ELMO1: variants seen among roughly 807,000 people sequenced by gnomAD.
ELMO1 encodes the protein engulfment and cell motility 1.
In ELMO1, 26 loss-of-function variants were observed where a neutral mutation model predicts 98.9. That is an observed-to-expected ratio of 0.26 (90% CI 0.19 to 0.36). The LOEUF is 0.36. Among genes scored for constraint, ELMO1 ranks in the 10% least tolerant of loss-of-function variants. The pLI, the probability that ELMO1 is intolerant of heterozygous loss-of-function variation, is 1.00. For missense variants in ELMO1, 627 were observed against 935.2 expected, an observed-to-expected ratio of 0.67 and a Z score of 4.30; for synonymous variants, 346 against 346.0, an observed-to-expected ratio of 1.00 and a Z score of 0.00.
At chr7:36,936,080 T>A (rs1451259940) in intron 16 of ELMO1, among the ~76,000 whole-genome samples, 1 of 152,080 alleles carries the variant, frequency 6.6e-6, no homozygotes, top group African/African-American at 2.4e-5. Context: ...CCCACCCACC[T>A]CCAGAGGTAG....
rs750588423 is a variant in ELMO1, at chr7:36,922,347, CAAA to C, written c.1438-27333_1438-27331del. On this transcript the variant is annotated intron_variant, in intron 16 of 21. Coordinates refer to ENST00000310758, the MANE Select transcript of ELMO1 (RefSeq NM_014800.11). ...TTTAAAGGCAGATATCACAGACTTG[CAAA>C]AAAAAAAAAAAAAAAAAACCAACAG... Among the ~76,000 whole-genome samples, 217 of 85,548 alleles carry C rather than the reference CAAA, an allele frequency of 2.5e-3. 2 individuals are homozygous for C. The South Asian group carries it at 0.026, about 10-fold the overall frequency. The allele number at this position is 85,548 out of a possible 152,430, so 56.1% of individuals were successfully genotyped here.
chr7:37,031,302 G>A (rs551131142), intron 15 of ELMO1, among the ~76,000 whole-genome samples: 1 of 152,274 alleles, frequency 6.6e-6, no homozygotes, highest in East Asian at 1.9e-4. Context: ...CCCTGAATGA[G>A]ATGGTTTCTG....
At chr7:36,977,066 G>A (rs1303213587) in intron 16 of ELMO1, among the ~76,000 whole-genome samples, 1 of 152,136 alleles carries the variant, frequency 6.6e-6, no homozygotes, top group Non-Finnish European at 1.5e-5. Context: ...TCTATAAAAG[G>A]GGATAAAATG....
intron 10 of ELMO1, among the ~76,000 whole-genome samples, chr7:37,217,195 G>A (rs1793336131): frequency 6.6e-6 from 1 of 152,134 alleles, no homozygotes; most frequent in African/African-American, 2.4e-5. Context: ...TTTAAGTGAA[G>A]GGCAAATATC....
At chr7:37,401,081 A>C (rs7788477) in intron 1 of ELMO1, among the ~76,000 whole-genome samples, 77,785 of 151,974 alleles carry the variant, frequency 0.51, 20,644 homozygotes, top group East Asian at 0.78. Flanking sequence ...GGAACCCTAC[A>C]CTGGGAGGAA....
At chr7:37,292,642 G>T (rs1215533936) in intron 4 of ELMO1, among the ~76,000 whole-genome samples, 1 of 113,612 alleles carries the variant, frequency 8.8e-6, no homozygotes, top group Non-Finnish European at 2.1e-5. Flanking sequence ...TGGACGCCCC[G>T]TCTGAGAAGT....
At chr7:36,973,915 C>T (rs1249204416) in intron 16 of ELMO1, among the ~76,000 whole-genome samples, 2 of 152,228 alleles carry the variant, frequency 1.3e-5, no homozygotes, top group Admixed American at 6.5e-5. Flanking sequence ...CTGGGTCCCC[C>T]AGCAGTGCCA....
At chr7:36,969,312 T>C (rs1789715271) in intron 16 of ELMO1, among the ~76,000 whole-genome samples, 1 of 152,186 alleles carries the variant, frequency 6.6e-6, no homozygotes, top group Admixed American at 6.5e-5. Context: ...ATAGATTATA[T>C]TTTAACATAC....
intron 18 of ELMO1, among the ~76,000 whole-genome samples, chr7:36,883,729 C>T (rs1036196176): frequency 6.6e-6 from 1 of 152,164 alleles, no homozygotes; most frequent in African/African-American, 2.4e-5. Context: ...GCTTCCTGTA[C>T]AGCCTACAGA....
At chr7:37,218,290 A>G (rs1374351400) in intron 10 of ELMO1, among the ~76,000 whole-genome samples, 1 of 152,256 alleles carries the variant, frequency 6.6e-6, no homozygotes, top group Non-Finnish European at 1.5e-5. Context: ...AACTTCTACT[A>G]AAGAAATCAT....
intron 7 of ELMO1, among the ~76,000 whole-genome samples, chr7:37,241,093 T>C (rs1270745538): frequency 1.3e-5 from 2 of 152,124 alleles, no homozygotes; most frequent in African/African-American, 4.8e-5. Context: ...CCTCTTTTTC[T>C]CCTTAGTAGT....
intron 1 of ELMO1, among the ~76,000 whole-genome samples, chr7:37,411,294 T>C (rs1181873534): frequency 6.6e-6 from 1 of 152,234 alleles, no homozygotes; most frequent in African/African-American, 2.4e-5. Flanking sequence ...TGGTTTCTTC[T>C]AGTTTTTCAA....
intron 15 of ELMO1, among the ~76,000 whole-genome samples, chr7:37,065,016 T>C (rs1462795175): frequency 3.3e-5 from 5 of 152,158 alleles, no homozygotes; most frequent in Admixed American, 3.3e-4. Flanking sequence ...TTCTAGTCCA[T>C]TGGTGATTTA....
At chr7:37,189,649 A>G (rs1166251696) in intron 13 of ELMO1, among the ~76,000 whole-genome samples, 3 of 152,196 alleles carry the variant, frequency 2.0e-5, no homozygotes, top group Non-Finnish European at 4.4e-5. Flanking sequence ...TACCTAGCTT[A>G]AGCAATGATC....
chr7:36,973,196 A>G (rs1790129404), intron 16 of ELMO1, among the ~76,000 whole-genome samples: 1 of 152,228 alleles, frequency 6.6e-6, no homozygotes, highest in Non-Finnish European at 1.5e-5. Flanking sequence ...GTGAAGCCAG[A>G]GCATGGTGCA....
chr7:36,884,690 A>G (rs907302022), intron 18 of ELMO1, among the ~76,000 whole-genome samples: 1 of 152,264 alleles, frequency 6.6e-6, no homozygotes, highest in African/African-American at 2.4e-5. Context: ...TGAGACAGGC[A>G]GAAGGATCAG....
At chr7:37,221,062 T>C (rs900097063) in intron 10 of ELMO1, among the ~76,000 whole-genome samples, 1 of 152,154 alleles carries the variant, frequency 6.6e-6, no homozygotes, top group Non-Finnish European at 1.5e-5. Context: ...GCCCTATCGA[T>C]GATTTCACCT....
At chr7:37,379,573 T>C (rs1173244734) in intron 1 of ELMO1, among the ~76,000 whole-genome samples, 6 of 152,230 alleles carry the variant, frequency 3.9e-5, no homozygotes, top group South Asian at 4.1e-4. Context: ...TTTTTCTTCA[T>C]AGAACTGGTC....
chr7:37,087,163 C>T (rs529037608), intron 15 of ELMO1, among the ~76,000 whole-genome samples: 30 of 152,218 alleles, frequency 2.0e-4, no homozygotes, highest in Admixed American at 1.2e-3. Flanking sequence ...TACTAAGTTT[C>T]GTTTATTCAC....
Sources: allele counts gnomAD v4.1 joint callset (sites outside exome capture counted in the v4.1 genomes callset), GRCh38; gene constraint gnomAD v4.1.1; transcripts MANE v1.5; gene names NCBI Gene and HGNC (gene_info 2026-07-23, HGNC 2026-07-21).